Variants in RBFOX1 observed in about 807,000 individuals in gnomAD.
RBFOX1 encodes RNA binding fox-1 homolog 1.
RBFOX1 carries 8 observed loss-of-function variants against 57.7 expected under a neutral mutation model. That is an observed-to-expected ratio of 0.14 (90% CI 0.08 to 0.25). The LOEUF is 0.25. Ranked by LOEUF, RBFOX1 falls within the 10% of genes least tolerant of loss-of-function variation. The pLI is 1.00. For synonymous variants in RBFOX1, 326 were observed against 222.4 expected (o/e 1.47, Z -4.15); for missense variants, 611 against 548.5 (o/e 1.11, Z -1.14).
chr16:6,911,192 A>G (rs1225933434), intron 3 of RBFOX1, among the ~76,000 whole-genome samples: 1 of 98,838 alleles, frequency 1.0e-5, no homozygotes, highest in Non-Finnish European at 2.0e-5. Context: ...ACAAGAGTAA[A>G]ATTGTGTCTC....
At chr16:5,877,153 G>T (rs564010840) in intron 4 of RBFOX1, among the ~76,000 whole-genome samples, 4 of 152,322 alleles carry the variant, frequency 2.6e-5, no homozygotes, top group African/African-American at 4.8e-5. Flanking sequence ...GATTGTGTCT[G>T]CTCTCCAGGC....
At chr16:6,244,802 C>T (rs1209708308) in intron 1 of RBFOX1, among the ~76,000 whole-genome samples, 1 of 152,180 alleles carries the variant, frequency 6.6e-6, no homozygotes, top group Non-Finnish European at 1.5e-5. Flanking sequence ...GCCAACACAC[C>T]CGGCAAACTT....
At chr16:7,512,909 A>G (rs1053559675) in intron 4 of RBFOX1, among the ~76,000 whole-genome samples, 2 of 152,214 alleles carry the variant, frequency 1.3e-5, no homozygotes, top group Non-Finnish European at 2.9e-5. Context: ...ACAGGGAGTA[A>G]CACACCAACA....
chr16:6,515,838 C>T (rs896657669), intron 2 of RBFOX1, among the ~76,000 whole-genome samples: 1 of 152,096 alleles, frequency 6.6e-6, no homozygotes, highest in African/African-American at 2.4e-5. Context: ...CCCTAATGGC[C>T]TCTTGGGTGA....
At chr16:7,698,786 G>A (rs1568534051) in intron 14 of RBFOX1, among the ~76,000 whole-genome samples, 1 of 152,098 alleles carries the variant, frequency 6.6e-6, no homozygotes, top group Non-Finnish European at 1.5e-5. Context: ...ATAAGCAAAG[G>A]AACTTAGGAA....
At chr16:7,483,710 G>T (rs12443776) in intron 4 of RBFOX1, among the ~76,000 whole-genome samples, 52,945 of 152,106 alleles carry the variant, frequency 0.35, 11,213 homozygotes, top group Non-Finnish European at 0.48. Flanking sequence ...TTGGGTATAA[G>T]TTCAGCTACC....
Position 7,713,155 on chromosome 16 carries a change from T to C in RBFOX1, c.*2410T>C, listed in dbSNP as rs936830828. The C allele has an allele frequency of 6.6e-6, 1 of 152,180 alleles. No individual in the cohort carries two copies. The allele number at this position is 152,180 out of a possible 1,614,324, so 9.4% of individuals were successfully genotyped here. Reference sequence around the variant, plus strand: ...TCTAAATAACTATTGCTATTATGAATTATGGAAAATTAATATTATGTGTGG... The same window carrying C: ...TCTAAATAACTATTGCTATTATGAACTATGGAAAATTAATATTATGTGTGG... On this transcript the variant is annotated 3_prime_UTR_variant, in exon 16 of 16. Coordinates refer to ENST00000550418, the MANE Select transcript of RBFOX1 (RefSeq NM_018723.4).
intron 4 of RBFOX1, among the ~76,000 whole-genome samples, chr16:7,384,986 C>G (rs534074948): frequency 6.6e-6 from 1 of 152,142 alleles, no homozygotes; most frequent in Non-Finnish European, 1.5e-5. Context: ...TTAAGCTGAG[C>G]TCGCAATGGC....
chr16:7,618,886 C>T (rs142410093), intron 10 of RBFOX1, among the ~76,000 whole-genome samples: 15 of 152,160 alleles, frequency 9.9e-5, no homozygotes, highest in South Asian at 4.2e-4. Context: ...ACATTACAGT[C>T]GACATATTGG....
chr16:7,165,688 C>G (rs1331335041), intron 4 of RBFOX1, among the ~76,000 whole-genome samples: 1 of 151,864 alleles, frequency 6.6e-6, no homozygotes, highest in Non-Finnish European at 1.5e-5. Context: ...CTCAGCCTTC[C>G]AAAGTGTTGG....
At chr16:5,520,414 A>C (rs1267272734) in intron 2 of RBFOX1, among the ~76,000 whole-genome samples, 1 of 151,880 alleles carries the variant, frequency 6.6e-6, no homozygotes, top group Non-Finnish European at 1.5e-5. Context: ...TGGCTAACTC[A>C]CCCCCTGTCT....
At chr16:6,848,308 C>G (rs773977609) in intron 3 of RBFOX1, among the ~76,000 whole-genome samples, 2 of 152,100 alleles carry the variant, frequency 1.3e-5, no homozygotes, top group African/African-American at 2.4e-5. Context: ...TATGGCCAGG[C>G]TTTCTCATTT....
intron 4 of RBFOX1, chr16:7,126,418 C>G (rs2068569897): frequency 8.6e-6 from 2 of 231,950 alleles, no homozygotes; most frequent in Non-Finnish European, 8.9e-6. Flanking sequence ...GTGCAGCTCA[C>G]ACAGTAACGT....
At chr16:7,326,521 A>G (rs1207036829) in intron 4 of RBFOX1, among the ~76,000 whole-genome samples, 1 of 152,136 alleles carries the variant, frequency 6.6e-6, no homozygotes, top group Non-Finnish European at 1.5e-5. Flanking sequence ...ACAATTTTGA[A>G]TGGGTGCATT....
intron 4 of RBFOX1, among the ~76,000 whole-genome samples, chr16:7,229,277 C>T (rs2093339626): frequency 6.6e-6 from 1 of 152,158 alleles, no homozygotes. Flanking sequence ...CATACTTTTT[C>T]CTCCTAAGTT....
chr16:7,279,143 T>A (rs2095496035), intron 4 of RBFOX1, among the ~76,000 whole-genome samples: 1 of 151,898 alleles, frequency 6.6e-6, no homozygotes, highest in Admixed American at 6.6e-5. Context: ...TCTTTTTTTT[T>A]TAAACATGGA....
intron 3 of RBFOX1, among the ~76,000 whole-genome samples, chr16:6,868,253 G>T (rs1221827721): frequency 6.6e-6 from 1 of 152,132 alleles, no homozygotes; most frequent in East Asian, 1.9e-4. Flanking sequence ...GTCTGCAGCA[G>T]TGGACACAGG....
At chr16:7,198,627 C>G (rs1373025004) in intron 4 of RBFOX1, among the ~76,000 whole-genome samples, 1 of 152,164 alleles carries the variant, frequency 6.6e-6, no homozygotes, top group Non-Finnish European at 1.5e-5. Flanking sequence ...ATGGGCTTTC[C>G]TGCTCCTCCA....
chr16:6,624,402 C>T (rs181952682), intron 2 of RBFOX1, among the ~76,000 whole-genome samples: 23 of 152,106 alleles, frequency 1.5e-4, no homozygotes, highest in Admixed American at 1.4e-3. Flanking sequence ...AGGGCAGTAT[C>T]CTTCATTATA....
Sources: gnomAD v4.1 joint callset for allele counts (sites outside exome capture counted in the v4.1 genomes callset) on GRCh38, gnomAD v4.1.1 for gene constraint, MANE v1.5 for transcripts, NCBI Gene and HGNC (gene_info 2026-07-23, HGNC 2026-07-21) for gene names.